KSR1: variants seen among roughly 807,000 people sequenced by gnomAD.
KSR1 encodes kinase suppressor of ras.
Under a neutral mutation model 92.9 loss-of-function variants are expected in KSR1, and 35 were observed. The observed-to-expected ratio is 0.38, with a 90% CI of 0.29 to 0.50. KSR1 has a LOEUF of 0.50. Ranked by LOEUF, KSR1 falls within the 20% of genes least tolerant of loss-of-function variation. The pLI, the probability that KSR1 is intolerant of heterozygous loss-of-function variation, is 0.94. For synonymous variants in KSR1, 467 were observed against 472.6 expected (o/e 0.99, Z 0.15); for missense variants, 972 against 1,158.5 (o/e 0.84, Z 2.34).
chr17:27,595,413 C>T (rs2073306221), intron 9 of KSR1, among the ~76,000 whole-genome samples: 1 of 152,254 alleles, frequency 6.6e-6, no homozygotes, highest in Admixed American at 6.5e-5. Flanking sequence ...TGCTACTGAT[C>T]AGCGCAGTAA....
In KSR1 at chr17:27,604,745, C is replaced by T. The variant is rs535687415; in HGVS notation, c.1614+17C>T. The T allele has an allele frequency of 6.4e-5, 103 of 1,613,266 alleles. 2 individuals are homozygous for T. The South Asian group carries it at 8.5e-4, about 13-fold the overall frequency. On this transcript the variant is annotated intron_variant, in intron 13 of 20. Transcript: ENST00000644974. ...GAAGCGGAGGTGAGGGTGACACACA[C>T]GTGTCCACAGATGGCCCCCCCTCTT...
At chr17:27,462,566 C>T (rs1196820188) in intron 1 of KSR1, among the ~76,000 whole-genome samples, 1 of 152,208 alleles carries the variant, frequency 6.6e-6, no homozygotes, top group African/African-American at 2.4e-5. Context: ...TTGTCTCATT[C>T]TGAGAAAGGA....
chr17:27,487,682 G>A (rs975197267), intron 1 of KSR1, among the ~76,000 whole-genome samples: 3 of 151,604 alleles, frequency 2.0e-5, no homozygotes, highest in Non-Finnish European at 2.9e-5. Flanking sequence ...TTTTAGAGGC[G>A]GCGTCTCACC....
At chr17:27,605,313 C>T (rs1486950572) in intron 13 of KSR1, 121 bp from the exon 14 acceptor site, 5 of 1,327,688 alleles carry the variant, frequency 3.8e-6, no homozygotes, top group Non-Finnish European at 5.1e-6. Context: ...GCAACTACAA[C>T]CTGGGTCCCC....
intron 6 of KSR1, among the ~76,000 whole-genome samples, chr17:27,589,025 G>A (rs1474725094): frequency 6.6e-6 from 1 of 152,214 alleles, no homozygotes; most frequent in Non-Finnish European, 1.5e-5. Context: ...CAGCACGTGT[G>A]CATGTGTGAG....
intron 1 of KSR1, among the ~76,000 whole-genome samples, chr17:27,529,231 TAGA>T (rs2070440611): frequency 1.3e-5 from 2 of 152,220 alleles, no homozygotes; most frequent in Admixed American, 6.5e-5. Flanking sequence ...GTTAACTTTC[TAGA>T]AGATTATGGG....
At position 27,589,874 on chromosome 17, in the gene KSR1, C is replaced by G. The variant is rs542786050; in HGVS notation, c.1047-937C>G. On this transcript the variant is annotated intron_variant, in intron 6 of 20. Transcript: ENST00000644974. ...CCTGTCCCCAACTCCTCAACCCCCT[C>G]TTTAAAGAGGTCTTAGCTGTGTGTT... Among the ~76,000 whole-genome samples the G allele has an allele frequency of 2.6e-3, 392 of 152,354 alleles. 2 individuals are homozygous for G. The highest frequency in any genetic ancestry group is 9.3e-3 in the African/African-American group (388 of 41,582).
At chr17:27,458,775 G>A (rs1267493261) in intron 1 of KSR1, among the ~76,000 whole-genome samples, 1 of 151,816 alleles carries the variant, frequency 6.6e-6, no homozygotes, top group Non-Finnish European at 1.5e-5. Flanking sequence ...GTTGTTTTGG[G>A]GGATGGGAAT....
intron 1 of KSR1, among the ~76,000 whole-genome samples, chr17:27,458,716 C>G (rs883127): frequency 1.3e-5 from 2 of 151,974 alleles, no homozygotes; most frequent in African/African-American, 4.8e-5. Flanking sequence ...TTCTTCCCAC[C>G]GTGATGTGGA....
chr17:27,584,004 T>G (rs942762091), intron 4 of KSR1: 44 of 981,012 alleles, frequency 4.5e-5, no homozygotes, highest in Non-Finnish European at 4.7e-5. Context: ...TCATATTATT[T>G]CGTTGTATAG....
intron 18 of KSR1, among the ~76,000 whole-genome samples, chr17:27,614,632 G>C (rs1174223370): frequency 3.9e-5 from 6 of 152,200 alleles, no homozygotes; most frequent in Admixed American, 3.9e-4. Flanking sequence ...CCTGGGATGG[G>C]AATAAGATCA....
At chr17:27,475,383 T>C (rs2068309560) in intron 1 of KSR1, among the ~76,000 whole-genome samples, 1 of 152,208 alleles carries the variant, frequency 6.6e-6, no homozygotes, top group South Asian at 2.1e-4. Flanking sequence ...ACTTATGTCT[T>C]ACTAAAAAAT....
At position 27,601,340 on chromosome 17, in the gene KSR1, A is replaced by AG; in HGVS notation, c.1469-20_1469-19insG. 6.2e-7 allele frequency: 1 copy of AG among 1,609,724 alleles called. No homozygotes were observed. The highest frequency in any genetic ancestry group is 1.7e-5 in the Admixed American group (1 of 59,870). ...GTTGGCCGTTCTGTGTGTGTGACTC[A>AG]CCTCCTCTTCTGTTTAAAGCTGCCT... On this transcript the variant is annotated intron_variant, in intron 10 of 20. Coordinates refer to ENST00000644974, the MANE Select transcript of KSR1 (RefSeq NM_001394583.1).
chr17:27,561,323 G>A (rs12103787), intron 2 of KSR1, among the ~76,000 whole-genome samples: 44 of 152,314 alleles, frequency 2.9e-4, no homozygotes, highest in Non-Finnish European at 4.3e-4. Flanking sequence ...GTGTGCACGT[G>A]TGTCTCTCTC....
intron 1 of KSR1, among the ~76,000 whole-genome samples, chr17:27,526,076 C>CTT (rs1567792776): frequency 7.5e-5 from 5 of 67,014 alleles, no homozygotes; most frequent in Non-Finnish European, 1.4e-4. Flanking sequence ...CTTTCTCTTT[C>CTT]TTTCTTTCTT....
At chr17:27,474,796 C>T (rs2068288519) in intron 1 of KSR1, among the ~76,000 whole-genome samples, 1 of 152,038 alleles carries the variant, frequency 6.6e-6, no homozygotes, top group Admixed American at 6.5e-5. Flanking sequence ...AGGAGACATT[C>T]AGATGACAAG....
chr17:27,513,220 A>T (rs1424835652), intron 1 of KSR1, among the ~76,000 whole-genome samples: 1 of 152,010 alleles, frequency 6.6e-6, no homozygotes, highest in East Asian at 1.9e-4. Flanking sequence ...GTGTTATTCG[A>T]TTGACTGATT....
At chr17:27,601,221 C>A in intron 10 of KSR1, 139 bp from the exon 11 acceptor site, 1 of 705,830 alleles carries the variant, frequency 1.4e-6, no homozygotes, top group South Asian at 1.8e-5. Context: ...TTTGGCCTGT[C>A]CTTGCCAGGT....
At chr17:27,520,568 C>T (rs77094484) in intron 1 of KSR1, among the ~76,000 whole-genome samples, 6 of 152,358 alleles carry the variant, frequency 3.9e-5, no homozygotes, top group Non-Finnish European at 7.3e-5. Flanking sequence ...AAATGCTAAT[C>T]GTGCCACCAG....
Sources: allele counts gnomAD v4.1 joint callset (sites outside exome capture counted in the v4.1 genomes callset), GRCh38; gene constraint gnomAD v4.1.1; transcripts MANE v1.5; gene names NCBI Gene and HGNC (gene_info 2026-07-23, HGNC 2026-07-21).